The following SLC14A2 variants were observed in gnomAD, a reference collection of about 807,000 sequenced individuals.
SLC14A2 encodes urea transporter 2.
A neutral mutation model predicts 104.6 loss-of-function variants in SLC14A2; 91 were observed. The ratio of observed to expected loss-of-function variants is 0.87; its 90% CI spans 0.73 to 1.04. The LOEUF is 1.04. Ranked by LOEUF, SLC14A2 falls within the 50% of genes least tolerant of loss-of-function variation. The pLI, the probability that SLC14A2 is intolerant of heterozygous loss-of-function variation, is 0.00. For synonymous variants in SLC14A2, 476 were observed against 466.4 expected (o/e 1.02, Z -0.27); for missense variants, 1,189 against 1,156.0 (o/e 1.03, Z -0.41).
intron 2 of SLC14A2, among the ~76,000 whole-genome samples, chr18:45,559,897 T>C (rs938104641): frequency 6.6e-6 from 1 of 152,212 alleles, no homozygotes; most frequent in Non-Finnish European, 1.5e-5. Context: ...CCAAAGGCTG[T>C]TCCCTAGGGA....
intron 2 of SLC14A2, among the ~76,000 whole-genome samples, chr18:45,496,704 A>G (rs2043104569): frequency 6.6e-6 from 1 of 152,040 alleles, no homozygotes; most frequent in Admixed American, 6.6e-5. Context: ...AACTGCTTGA[A>G]CCCAGGAGGT....
At chr18:45,351,422 C>T (rs919214145) in intron 1 of SLC14A2, among the ~76,000 whole-genome samples, 6 of 152,246 alleles carry the variant, frequency 3.9e-5, no homozygotes, top group South Asian at 2.1e-4. Flanking sequence ...TGGTGTGATC[C>T]TGGCTCACTA....
chr18:45,330,470 A>G (rs550998884), intron 1 of SLC14A2, among the ~76,000 whole-genome samples: 2 of 152,342 alleles, frequency 1.3e-5, no homozygotes, highest in African/African-American at 4.8e-5. Flanking sequence ...ATGATGGTGC[A>G]TGGTTGCCAG....
At chr18:45,396,429 A>G (rs1344538143) in intron 1 of SLC14A2, among the ~76,000 whole-genome samples, 1 of 152,148 alleles carries the variant, frequency 6.6e-6, no homozygotes, top group Admixed American at 6.6e-5. Context: ...TCAGATACAT[A>G]TTCACCCAAC....
chr18:45,410,471 T>C (rs1323109466), intron 1 of SLC14A2, among the ~76,000 whole-genome samples: 2 of 152,198 alleles, frequency 1.3e-5, no homozygotes, highest in African/African-American at 4.8e-5. Context: ...TCATATGATA[T>C]ATATATAAAC....
intron 2 of SLC14A2, among the ~76,000 whole-genome samples, chr18:45,523,551 G>A (rs975879479): frequency 8.1e-5 from 12 of 147,414 alleles, no homozygotes; most frequent in African/African-American, 3.1e-4. Context: ...TGGCCAAGAT[G>A]GTCTTGATCT....
At chr18:45,179,028 C>T in the SLC14A2 span, among the ~76,000 whole-genome samples, 1 of 152,168 alleles carries the variant, frequency 6.6e-6, no homozygotes, top group Non-Finnish European at 1.5e-5. Flanking sequence ...CTGTCTCTGA[C>T]AGATATAGGT....
intron 2 of SLC14A2, among the ~76,000 whole-genome samples, chr18:45,492,765 A>G (rs528676100): frequency 3.3e-4 from 50 of 152,356 alleles, no homozygotes; most frequent in African/African-American, 1.2e-3. Context: ...GTGCCCACAG[A>G]CAAGGGCTTT....
At chr18:45,343,349 G>T (rs181614856) in intron 1 of SLC14A2, among the ~76,000 whole-genome samples, 1 of 152,104 alleles carries the variant, frequency 6.6e-6, no homozygotes, top group Admixed American at 6.5e-5. Context: ...GGTGATCAGA[G>T]GTAACCAATG....
chr18:45,670,364 G>C (rs1262861766), intron 16 of SLC14A2, among the ~76,000 whole-genome samples: 2 of 152,154 alleles, frequency 1.3e-5, no homozygotes, highest in Admixed American at 6.5e-5. Flanking sequence ...TCAGCCTAGA[G>C]AAATGTGCCT....
At chr18:45,214,032 G>A (rs1190811008) in intron 1 of SLC14A2, among the ~76,000 whole-genome samples, 4 of 152,192 alleles carry the variant, frequency 2.6e-5, no homozygotes, top group Non-Finnish European at 5.9e-5. Context: ...GGTATAGGTA[G>A]GAAAAGGGTA....
At chr18:45,678,259 T>C (rs1212540976) in intron 18 of SLC14A2, among the ~76,000 whole-genome samples, 3 of 152,216 alleles carry the variant, frequency 2.0e-5, no homozygotes, top group African/African-American at 7.2e-5. Context: ...ATGTGTGAAA[T>C]GAAGACGATA....
chr18:45,334,031 T>G (rs959873450), intron 1 of SLC14A2, among the ~76,000 whole-genome samples: 3 of 152,214 alleles, frequency 2.0e-5, no homozygotes, highest in Non-Finnish European at 4.4e-5. Flanking sequence ...ACTAATAATT[T>G]AAGGTAAAGG....
intron 1 of SLC14A2, among the ~76,000 whole-genome samples, chr18:45,455,737 C>G (rs894412213): frequency 6.6e-6 from 1 of 152,078 alleles, no homozygotes; most frequent in Admixed American, 6.5e-5. Flanking sequence ...ACAAAAGTGA[C>G]AGTGTCTGTG....
the SLC14A2 span, among the ~76,000 whole-genome samples, chr18:45,170,091 C>T: frequency 6.6e-6 from 1 of 152,106 alleles, no homozygotes; most frequent in African/African-American, 2.4e-5. Flanking sequence ...GAAGAAAGAA[C>T]ATGGAAAGGG....
chr18:45,649,330 C>A (rs1195271496), intron 10 of SLC14A2, among the ~76,000 whole-genome samples: 1 of 152,194 alleles, frequency 6.6e-6, no homozygotes, highest in Non-Finnish European at 1.5e-5. Context: ...ATTCTCCTCC[C>A]CAGCGCCCCA....
chr18:45,209,180 CA>C (rs71372700), upstream of SLC14A2, among the ~76,000 whole-genome samples: 9,798 of 83,838 alleles, frequency 0.12, 380 homozygotes, highest in African/African-American at 0.15. Context: ...ATTAAAAATA[CA>C]AAAAAAAAAA....
At chr18:45,624,221 G>C (rs1451443445) in intron 1 of SLC14A2, among the ~76,000 whole-genome samples, 1 of 152,152 alleles carries the variant, frequency 6.6e-6, no homozygotes, top group African/African-American at 2.4e-5. Context: ...AATTCAGGAA[G>C]AGTTTCTCTT....
intron 1 of SLC14A2, among the ~76,000 whole-genome samples, chr18:45,319,707 A>G (rs531829247): frequency 6.6e-5 from 10 of 152,346 alleles, no homozygotes; most frequent in Non-Finnish European, 2.9e-5. Context: ...TTCTCAATCC[A>G]GGCCCCCTCC....
Sources: gnomAD v4.1 joint callset for allele counts (sites outside exome capture counted in the v4.1 genomes callset) on GRCh38, gnomAD v4.1.1 for gene constraint, MANE v1.5 for transcripts, NCBI Gene and HGNC (gene_info 2026-07-23, HGNC 2026-07-21) for gene names.